RIMS1: variants seen among roughly 807,000 people sequenced by gnomAD.
RIMS1 encodes the protein regulating synaptic membrane exocytosis protein 1.
Under a neutral mutation model 214.1 loss-of-function variants are expected in RIMS1, and 83 were observed. The observed-to-expected ratio is 0.39, with a 90% CI of 0.32 to 0.47. RIMS1 has a LOEUF of 0.47. Ranked by LOEUF, RIMS1 falls within the 20% of genes least tolerant of loss-of-function variation. The pLI is 0.99. For synonymous variants in RIMS1, 793 were observed against 786.8 expected, an observed-to-expected ratio of 1.01 and a Z score of -0.13; for missense variants, 2,050 against 2,161.8, an observed-to-expected ratio of 0.95 and a Z score of 1.03.
chr6:72,129,404 G>A (rs1239459922), intron 4 of RIMS1, among the ~76,000 whole-genome samples: 1 of 152,012 alleles, frequency 6.6e-6, no homozygotes, highest in Non-Finnish European at 1.5e-5. Flanking sequence ...GGATCATTTT[G>A]GTCTGAGTTG....
intron 2 of RIMS1, among the ~76,000 whole-genome samples, chr6:71,974,082 G>A (rs1796561748): frequency 6.6e-6 from 1 of 152,168 alleles, no homozygotes; most frequent in Non-Finnish European, 1.5e-5. Context: ...GTTTCACCAG[G>A]AGGCAGTTGT....
intron 29 of RIMS1, among the ~76,000 whole-genome samples, chr6:72,389,374 G>A (rs1238788338): frequency 6.6e-6 from 1 of 152,066 alleles, no homozygotes; most frequent in African/African-American, 2.4e-5. Context: ...CAATAAAAAG[G>A]TTAAGAACAA....
At chr6:71,919,303 G>C (rs897988548) in intron 1 of RIMS1, among the ~76,000 whole-genome samples, 3 of 152,036 alleles carry the variant, frequency 2.0e-5, no homozygotes, top group Non-Finnish European at 2.9e-5. Flanking sequence ...ATTAGATGTG[G>C]TATTGAGGAA....
At chr6:72,230,894 C>A (rs1475534965) in intron 6 of RIMS1, among the ~76,000 whole-genome samples, 1 of 151,466 alleles carries the variant, frequency 6.6e-6, no homozygotes, top group African/African-American at 2.4e-5. Flanking sequence ...TAGACACAAG[C>A]AGCTGACGTA....
Position 72,303,796 on chromosome 6 carries a change from T to G in RIMS1, c.3851-3462T>G, listed in dbSNP as rs181968869. On this transcript the variant is annotated intron_variant, in intron 26 of 33. Coordinates refer to ENST00000521978, the MANE Select transcript of RIMS1 (RefSeq NM_014989.7). ...AATAAGTGCTTTTTGAAAGTACCAT[T>G]TTTTTAAAACATAAGGCACATAATT... Among the ~76,000 whole-genome samples the G allele has an allele frequency of 4.0e-5, 6 of 151,636 alleles. No homozygotes were observed. The East Asian group carries it at 7.7e-4, about 20-fold the overall frequency.
At chr6:72,034,714 C>T (rs1819108542) in intron 2 of RIMS1, among the ~76,000 whole-genome samples, 3 of 151,842 alleles carry the variant, frequency 2.0e-5, no homozygotes, top group African/African-American at 7.3e-5. Context: ...TTTATTATCA[C>T]TAAGAAATGA....
At chr6:72,146,369 C>G (rs114450383) in intron 4 of RIMS1, among the ~76,000 whole-genome samples, 388 of 152,270 alleles carry the variant, frequency 2.5e-3, no homozygotes, top group African/African-American at 8.9e-3. Flanking sequence ...AAATCTTGTT[C>G]AAGAGGTAGA....
At chr6:72,314,650 A>G (rs1339434465) in intron 28 of RIMS1, among the ~76,000 whole-genome samples, 1 of 152,196 alleles carries the variant, frequency 6.6e-6, no homozygotes. Flanking sequence ...CTCTAAAAGA[A>G]TATAAAGTTC....
intron 29 of RIMS1, among the ~76,000 whole-genome samples, chr6:72,378,593 G>T (rs1269940055): frequency 6.6e-6 from 1 of 152,128 alleles, no homozygotes; most frequent in Non-Finnish European, 1.5e-5. Flanking sequence ...ACTTTGGGAG[G>T]CCAAGGCGGG....
chr6:72,260,305 C>A (rs780594222), intron 18 of RIMS1, among the ~76,000 whole-genome samples: 1 of 151,972 alleles, frequency 6.6e-6, no homozygotes, highest in Non-Finnish European at 1.5e-5. Context: ...AAAACTATCA[C>A]GCTTTAATTT....
intron 29 of RIMS1, among the ~76,000 whole-genome samples, chr6:72,355,085 T>C (rs1023167936): frequency 2.6e-5 from 4 of 152,204 alleles, no homozygotes; most frequent in Admixed American, 2.0e-4. Context: ...AGTGAATACA[T>C]GCATTTTGTA....
At chr6:72,021,306 A>G (rs1814607766) in intron 2 of RIMS1, among the ~76,000 whole-genome samples, 1 of 152,238 alleles carries the variant, frequency 6.6e-6, no homozygotes, top group Non-Finnish European at 1.5e-5. Context: ...GTGCAAATAT[A>G]CTAGAAGCTT....
chr6:72,194,544 TAAAC>T (rs1347788956), intron 6 of RIMS1, among the ~76,000 whole-genome samples: 1 of 152,048 alleles, frequency 6.6e-6, no homozygotes, highest in Non-Finnish European at 1.5e-5. Flanking sequence ...TTGAGAAAAA[TAAAC>T]AATAAGGAAT....
intron 10 of RIMS1, among the ~76,000 whole-genome samples, chr6:72,244,844 A>T (rs1238588465): frequency 6.6e-6 from 1 of 151,906 alleles, no homozygotes; most frequent in African/African-American, 2.4e-5. Context: ...ATTCCCCCCA[A>T]AAGTGAAAAG....
chr6:72,313,648 C>G lies in RIMS1; in HGVS notation c.4106C>G (p.Ser1369Cys). 1 of 1,613,276 alleles carries G rather than the reference C, an allele frequency of 6.2e-7. No individual in the cohort carries two copies. Among genetic ancestry groups the G allele is most frequent in the South Asian group, 1.1e-5 (1 of 90,910 alleles). ...AGCACAAGCTTTATGTCAGAGCAAT[C>G]TGAGCGCCCCAGGGGTAGAATCAGG... Reference protein sequence around the residue: ...LSSTSFMSEQSERPRGRISSF... With the variant: ...LSSTSFMSEQCERPRGRISSF... Residue 1369 changes from serine to cysteine, a missense_variant, in exon 28 of 34, where the codon TCT becomes TGT. Physicochemically the swap from Ser to Cys is moderately radical, Grantham distance 112. This residue lies in a region of RIMS1 where 889 missense variants were observed against 885.5 expected (regional missense o/e 1.00). Transcript: ENST00000521978.
chr6:72,053,548 GT>G (rs1405425121), intron 2 of RIMS1, among the ~76,000 whole-genome samples: 2 of 152,122 alleles, frequency 1.3e-5, no homozygotes, highest in Non-Finnish European at 2.9e-5. Context: ...TACCTAGAGT[GT>G]TTTTGGCATC....
chr6:71,979,648 T>C (rs1049431841), intron 2 of RIMS1, among the ~76,000 whole-genome samples: 1 of 152,138 alleles, frequency 6.6e-6, no homozygotes, highest in Non-Finnish European at 1.5e-5. Context: ...TCTCAAAACA[T>C]AGACTGTATC....
chr6:72,028,188 T>A (rs1817072354), intron 2 of RIMS1, among the ~76,000 whole-genome samples: 1 of 152,152 alleles, frequency 6.6e-6, no homozygotes, highest in Admixed American at 6.6e-5. Context: ...GCAATATTAA[T>A]TTAGTAAAAA....
chr6:71,894,223 T>A (rs893221671), intron 1 of RIMS1, among the ~76,000 whole-genome samples: 4 of 152,192 alleles, frequency 2.6e-5, no homozygotes, highest in Non-Finnish European at 5.9e-5. Context: ...AGCGGGTGGA[T>A]CACTTGAGCT....
Sources: gnomAD v4.1 joint callset for allele counts (sites outside exome capture counted in the v4.1 genomes callset) on GRCh38, gnomAD v4.1.1 for gene constraint, gnomAD v4.1.1 regional missense constraint, MANE v1.5 for transcripts, NCBI Gene and HGNC (gene_info 2026-07-23, HGNC 2026-07-21) for gene names.